BLM: variants seen among roughly 807,000 people sequenced by gnomAD.
BLM encodes the protein recQ-like DNA helicase BLM.
In BLM, 95 loss-of-function variants were observed where a neutral mutation model predicts 135.3. The ratio of observed to expected loss-of-function variants is 0.70; its 90% CI spans 0.59 to 0.83. The LOEUF (loss-of-function observed/expected upper bound fraction) is 0.83, where lower values mean the gene tolerates loss of function less well. Among genes scored for constraint, BLM ranks in the 40% least tolerant of loss-of-function variants. The probability of loss-of-function intolerance (pLI) is 0.00; values close to 1 mark genes in which losing one functional copy is unlikely to be tolerated. For missense variants in BLM, 1,518 were observed against 1,663.9 expected (o/e 0.91, Z 1.53); for synonymous variants, 520 against 589.2 (o/e 0.88, Z 1.70).
At chr15:90,760,329 C>T (rs780489534) in intron 6 of BLM, 50 bp downstream of exon 6, 20 of 1,609,828 alleles carry the variant, frequency 1.2e-5, no homozygotes, top group Non-Finnish European at 1.4e-5. Context: ...ATTTCTACCA[C>T]TCTAAGTGAA....
intron 17 of BLM, among the ~76,000 whole-genome samples, chr15:90,799,489 G>T (rs922258051): frequency 6.6e-6 from 1 of 151,674 alleles, no homozygotes; most frequent in Non-Finnish European, 1.5e-5. Flanking sequence ...ATCCTCAGTA[G>T]ATGTAAAATC....
chr15:90,801,569 A>G (rs1057408024), intron 17 of BLM, among the ~76,000 whole-genome samples: 1 of 152,184 alleles, frequency 6.6e-6, no homozygotes, highest in African/African-American at 2.4e-5. Flanking sequence ...GGGTGGTATG[A>G]ATGAGATAAA....
chr15:90,756,420 T>C (rs1895821835), intron 5 of BLM, among the ~76,000 whole-genome samples: 1 of 152,224 alleles, frequency 6.6e-6, no homozygotes, highest in South Asian at 2.1e-4. Context: ...AGGTAGTTTC[T>C]GTTATCCCCA....
At position 90,815,508 on chromosome 15, in the gene BLM, G is replaced by A. The variant is rs892642504; in HGVS notation, c.*229G>A. 3.6e-6 allele frequency: 2 copies of A among 549,460 alleles called. No homozygotes were observed. The highest frequency in any genetic ancestry group is 6.3e-6 in the Non-Finnish European group (2 of 315,718). 34.0% of individuals were successfully genotyped at this position (549,460 alleles called of 1,614,324 possible). ...TGTTGTGGCCGTTGTTTCTCAGAAC[G>A]TCTGAGGCAGCAGCTGAATCATCTC... On this transcript the variant is annotated 3_prime_UTR_variant, in exon 22 of 22. Transcript: ENST00000355112. This position sits in a 1 kb window ranked among gnomAD's most constrained non-coding sequence, Gnocchi z 4.6.
At chr15:90,749,332 G>A in intron 2 of BLM, 35 bp from the exon 3 acceptor site, 4 of 1,500,668 alleles carry the variant, frequency 2.7e-6, no homozygotes, top group Non-Finnish European at 3.7e-6. Context: ...TCTTAAAATG[G>A]ATCCATCTAA....
Position 90,754,850 on chromosome 15 carries a change from T to A in BLM, c.999T>A (p.Asp333Glu). ...TTGACACCTCTGACAGAAAAGAGGA[T>A]GTTCTTAGCACATCAAAAGATCTTT... ...KDLDTSDRKEDVLSTSKDLLS... is the reference protein window; with the variant it reads ...KDLDTSDRKEEVLSTSKDLLS... Residue 333 changes from aspartate (D) to glutamate (E), a missense_variant, in exon 5 of 22, where the codon GAT becomes GAA. Physicochemically the swap from Asp to Glu is conservative, Grantham distance 45. This residue lies in a region of BLM where 724 missense variants were observed against 756.9 expected (regional missense o/e 0.96). Transcript: ENST00000355112. 1 of 1,613,950 alleles carries A rather than the reference T, an allele frequency of 6.2e-7. No individual in the cohort carries two copies. Among genetic ancestry groups the A allele is most frequent in the Non-Finnish European group, 8.5e-7 (1 of 1,179,942 alleles).
chr15:90,785,921 A>G lies in BLM; in HGVS notation c.2823+840A>G, dbSNP rs114281968. 1.3e-3 allele frequency among the ~76,000 whole-genome samples: 190 copies of G among 150,336 alleles called. 1 individual carries two copies. The highest frequency in any genetic ancestry group is 4.5e-3 in the African/African-American group (185 of 41,108). On this transcript the variant is annotated intron_variant, in intron 14 of 21. Coordinates refer to ENST00000355112, the MANE Select transcript of BLM (RefSeq NM_000057.4). ...TCATACCTTTTTATGGTCAGATAAT[A>G]TTCTGTTATATGGATATAACACAGT...
chr15:90,762,137 C>G (rs766792601), intron 7 of BLM, among the ~76,000 whole-genome samples: 3 of 152,132 alleles, frequency 2.0e-5, no homozygotes, highest in Non-Finnish European at 2.9e-5. Flanking sequence ...TTGCAATTAT[C>G]TTGAGACAGT....
chr15:90,802,773 G>A (rs982330485), intron 17 of BLM, among the ~76,000 whole-genome samples: 15 of 151,832 alleles, frequency 9.9e-5, no homozygotes, highest in African/African-American at 2.7e-4. Flanking sequence ...TGAGACCCTC[G>A]TCTCTACAAA....
rs1596214007 is a variant in BLM at position 90,745,537 on chromosome 15, G to C, written c.-4-1852G>C. ...CAGTCCTCCCACCTCAGCCTCCTGA[G>C]TAGCAGGGACCACAGGCCCGCACCA... On this transcript the variant is annotated intron_variant, in intron 1 of 21. Coordinates refer to ENST00000355112, the MANE Select transcript of BLM (RefSeq NM_000057.4). 2.6e-5 allele frequency among the ~76,000 whole-genome samples: 4 copies of C among 152,092 alleles called. 1 individual carries two copies. The highest frequency in any genetic ancestry group is 2.6e-4 in the Admixed American group (4 of 15,280).
chr15:90,805,038 G>A (rs558654118), intron 19 of BLM, among the ~76,000 whole-genome samples: 2 of 152,116 alleles, frequency 1.3e-5, no homozygotes, highest in East Asian at 1.9e-4. Flanking sequence ...GTTTCTCCAC[G>A]TTGGTCAGGC....
intron 10 of BLM, among the ~76,000 whole-genome samples, chr15:90,768,857 G>C (rs1487128138): frequency 6.6e-6 from 1 of 152,132 alleles, no homozygotes; most frequent in African/African-American, 2.4e-5. Flanking sequence ...TTCCTGAGTA[G>C]CTGGGATTAC....
At chr15:90,781,619 T>C (rs1027056642) in intron 12 of BLM, among the ~76,000 whole-genome samples, 26 of 151,954 alleles carry the variant, frequency 1.7e-4, no homozygotes, top group Non-Finnish European at 3.2e-4. Context: ...AGCGCGAGAC[T>C]CCCTCTCAAA....
intron 4 of BLM, among the ~76,000 whole-genome samples, chr15:90,752,404 T>A (rs796297777): frequency 6.6e-6 from 1 of 152,138 alleles, no homozygotes; most frequent in African/African-American, 2.4e-5. Flanking sequence ...CTTGAACCCC[T>A]GAGCTCAGGC....
chr15:90,766,929 C>T lies in BLM; in HGVS notation c.2213C>T (p.Thr738Ile). Residue 738 changes from threonine to isoleucine, a missense_variant, in exon 10 of 22, where the codon ACA becomes ATA. Physicochemically the swap from Thr to Ile is moderately conservative, Grantham distance 89 (BLOSUM62 -1). Transcript: ENST00000355112. ...ACTTAGATTCCAGCTACATATCTGA[C>T]AGGTGATAAGACTGACTCAGAAGCT... is the stretch of plus-strand genomic sequence containing the variant. ...TSLDIPATYL[T>I]GDKTDSEATN... The T allele has an allele frequency of 6.3e-7, 1 of 1,598,372 alleles. No individual in the cohort carries two copies. Among genetic ancestry groups the T allele is most frequent in the Non-Finnish European group, 8.6e-7 (1 of 1,166,826 alleles).
chr15:90,769,376 T>C lies in BLM; in HGVS notation c.2407-62T>C, dbSNP rs890929972. The C allele has an allele frequency of 3.1e-6, 5 of 1,598,314 alleles. No homozygotes were observed. The Admixed American group carries it at 6.7e-5, about 21-fold the overall frequency. ...GTAGTTCTTAATACATTGAGCAGTGTTGGCTTTTTATAGAAGGAAGCTCCA... is the reference window on the plus strand; with the variant it reads ...GTAGTTCTTAATACATTGAGCAGTGCTGGCTTTTTATAGAAGGAAGCTCCA... On this transcript the variant is annotated intron_variant, in intron 11 of 21. Transcript: ENST00000355112.
intron 8 of BLM, among the ~76,000 whole-genome samples, chr15:90,764,806 G>A (rs1244272772): frequency 6.6e-6 from 1 of 152,146 alleles, no homozygotes; most frequent in Non-Finnish European, 1.5e-5. Context: ...CCTAGGCCGG[G>A]CGCAGTGGCT....
At chr15:90,811,827 T>C (rs147876182) in intron 21 of BLM, among the ~76,000 whole-genome samples, 1 of 152,114 alleles carries the variant, frequency 6.6e-6, no homozygotes, top group Non-Finnish European at 1.5e-5. Context: ...CTGGCTAATT[T>C]TTGTATTTTT....
intron 8 of BLM, among the ~76,000 whole-genome samples, chr15:90,764,071 A>G (rs186388518): frequency 1.3e-5 from 2 of 151,506 alleles, no homozygotes; most frequent in Admixed American, 6.6e-5. Context: ...CTTCCTTTCA[A>G]CCCTATTTTG....
Sources: gnomAD v4.1 joint callset for allele counts (sites outside exome capture counted in the v4.1 genomes callset) on GRCh38, gnomAD v4.1.1 for gene constraint, gnomAD v4.1.1 regional missense constraint, Gnocchi (gnomAD v3.1) non-coding constraint, MANE v1.5 for transcripts, NCBI Gene and HGNC (gene_info 2026-07-23, HGNC 2026-07-21) for gene names.